The following NFIC variants were observed in gnomAD, a reference collection of about 807,000 sequenced individuals.
NFIC encodes the protein nuclear factor I C.
Under a neutral mutation model 54.4 loss-of-function variants are expected in NFIC, and 12 were observed. The observed-to-expected ratio is 0.22, with a 90% confidence interval of 0.14 to 0.36. NFIC has a LOEUF of 0.36. NFIC is among the 10% of genes least tolerant of loss of function. NFIC has a pLI of 1.00. For missense variants in NFIC, 575 were observed against 718.2 expected, an observed-to-expected ratio of 0.80 and a Z score of 2.28; for synonymous variants, 322 against 319.2, an observed-to-expected ratio of 1.01 and a Z score of -0.09.
chr19:3,433,612 C>G lies in NFIC; in HGVS notation c.709+20C>G. On this transcript the variant is annotated intron_variant, in intron 4 of 10. Transcript: ENST00000443272. ...CCCGGAGTGAGTGTTCCCGTCAGCC[C>G]TGAGCTGGGTCTTGGAGAGGGGAGG... is the stretch of plus-strand genomic sequence containing the variant. The G allele has an allele frequency of 5.6e-6, 9 of 1,612,524 alleles. No homozygotes were observed. Among genetic ancestry groups the G allele is most frequent in the African/African-American group, 1.3e-5 (1 of 75,008 alleles).
chr19:3,456,471 C>A, intron 9 of NFIC, 79 bp from the exon 10 acceptor site: 1 of 1,406,870 alleles, frequency 7.1e-7, no homozygotes, highest in Non-Finnish European at 9.8e-7. Flanking sequence ...CTGGCGGTGG[C>A]CACCCTCTCT....
At chr19:3,413,518 G>A (rs1026573281) in intron 2 of NFIC, among the ~76,000 whole-genome samples, 3 of 152,062 alleles carry the variant, frequency 2.0e-5, no homozygotes, top group Non-Finnish European at 4.4e-5. Context: ...CCCAGCTGGC[G>A]ATTACCGTCC....
At chr19:3,450,389 T>G (rs1006410542) in intron 7 of NFIC, among the ~76,000 whole-genome samples, 1 of 141,476 alleles carries the variant, frequency 7.1e-6, no homozygotes. Flanking sequence ...GGCACAGTGG[T>G]TCACACCTGT....
intron 2 of NFIC, among the ~76,000 whole-genome samples, chr19:3,411,872 G>A (rs928215275): frequency 5.3e-5 from 8 of 152,096 alleles, no homozygotes; most frequent in African/African-American, 7.2e-5. Context: ...CCAGCACCAG[G>A]TGCCACATTG....
chr19:3,401,584 C>T (rs1353417110), intron 2 of NFIC, among the ~76,000 whole-genome samples: 1 of 152,196 alleles, frequency 6.6e-6, no homozygotes, highest in Non-Finnish European at 1.5e-5. Flanking sequence ...CGCCTGGGAG[C>T]TCTCCTGCAA....
intron 3 of NFIC, among the ~76,000 whole-genome samples, chr19:3,427,813 CAAAA>C (rs35768795): frequency 5.2e-5 from 4 of 76,832 alleles, no homozygotes; most frequent in Admixed American, 1.5e-4. Context: ...GAGACTCTGT[CAAAA>C]AAAAAAAAAA....
intron 6 of NFIC, among the ~76,000 whole-genome samples, chr19:3,448,260 A>G (rs570343352): frequency 6.6e-6 from 1 of 152,252 alleles, no homozygotes; most frequent in East Asian, 1.9e-4. Flanking sequence ...TTTAGTGGAG[A>G]CAGGGTTTCA....
rs2082718479 is a variant in NFIC, at chr19:3,466,491, C to T, written c.*3722C>T. The T allele has an allele frequency of 6.6e-6, 1 of 152,226 alleles. No individual in the cohort carries two copies. The highest frequency in any genetic ancestry group is 1.5e-5 in the Non-Finnish European group (1 of 68,092). The allele number at this position is 152,226 out of a possible 1,614,324, so 9.4% of individuals were successfully genotyped here. A position where few individuals can be genotyped will look rare whatever the true frequency, so the allele number is the denominator to read the frequency against. ...GGTGGTCTCCACAGCCACCATCATA[C>T]ACTCATCCCGTGTTTTCTTCCAAAA... is the stretch of plus-strand genomic sequence containing the variant. On this transcript the variant is annotated 3_prime_UTR_variant, in exon 11 of 11. Transcript: ENST00000443272. The surrounding 1 kb of genome is among the most constrained non-coding windows in gnomAD (Gnocchi z 4.8).
At chr19:3,389,111 G>C (rs2081341885) in intron 2 of NFIC, among the ~76,000 whole-genome samples, 1 of 152,144 alleles carries the variant, frequency 6.6e-6, no homozygotes, top group African/African-American at 2.4e-5. Context: ...GAGTCATACA[G>C]ATCATACAGT....
At chr19:3,390,815 C>T (rs534990383) in intron 2 of NFIC, among the ~76,000 whole-genome samples, 8 of 149,126 alleles carry the variant, frequency 5.4e-5, no homozygotes, top group Non-Finnish European at 7.4e-5. Context: ...TCCATAGAGT[C>T]GCCAGATTCA....
At chr19:3,428,877 T>G (rs1412964915) in intron 3 of NFIC, among the ~76,000 whole-genome samples, 1 of 150,828 alleles carries the variant, frequency 6.6e-6, no homozygotes, top group East Asian at 2.0e-4. Flanking sequence ...AGGAAACGGC[T>G]CTGGCCACTT....
intron 1 of NFIC, among the ~76,000 whole-genome samples, chr19:3,378,798 G>C (rs902000212): frequency 6.6e-6 from 1 of 152,164 alleles, no homozygotes; most frequent in Non-Finnish European, 1.5e-5. Context: ...GTGGCTGAGC[G>C]TCTGCTTCTC....
At position 3,380,212 on chromosome 19, in the gene NFIC, G is replaced by A. The variant is rs372951082; in HGVS notation, c.31-1500G>A. On this transcript the variant is annotated intron_variant, in intron 1 of 10. Transcript: ENST00000443272. ...GTAGAGACGGGGTTTCACTGTGTTA[G>A]CCAGGATGGTCTCAATCTCCTGACC... 4.7e-5 allele frequency among the ~76,000 whole-genome samples: 7 copies of A among 147,570 alleles called. No individual in the cohort carries two copies. In the South Asian group the frequency reaches 1.3e-3, roughly 27 times the overall value.
chr19:3,448,343 G>T (rs1357763250), intron 6 of NFIC, among the ~76,000 whole-genome samples: 1 of 152,206 alleles, frequency 6.6e-6, no homozygotes, highest in African/African-American at 2.4e-5. Flanking sequence ...AAAGCACTGG[G>T]ATTACAGGCA....
rs1406577560 is a variant in NFIC, at chr19:3,370,410, T to A, written c.30+3744T>A. 6.6e-6 allele frequency among the ~76,000 whole-genome samples: 1 copy of A among 151,558 alleles called. No individual in the cohort carries two copies. The highest frequency in any genetic ancestry group is 1.5e-5 in the Non-Finnish European group (1 of 67,862). ...CCCCCTCCCCTCTCTGCGGCGGAGG[T>A]GCCTCTGCGCGCCAGGGCCAAGCGC... On this transcript the variant is annotated intron_variant, in intron 1 of 10. Transcript: ENST00000443272. This position sits in a 1 kb window ranked among gnomAD's most constrained non-coding sequence, Gnocchi z 5.2.
intron 6 of NFIC, among the ~76,000 whole-genome samples, chr19:3,447,632 C>A (rs983164631): frequency 2.6e-5 from 4 of 152,266 alleles, no homozygotes; most frequent in Non-Finnish European, 5.9e-5. Flanking sequence ...TGCACAGGCA[C>A]CCCTGGCCCA....
rs1239613717 is a variant in NFIC, at chr19:3,449,078, G to A, written c.1023G>A (p.Gln341=). 3.1e-6 allele frequency: 5 copies of A among 1,613,440 alleles called. No individual in the cohort carries two copies. In the African/African-American group the frequency reaches 5.3e-5, roughly 17 times the overall value. ...CACCATTCAACAGCCCGTCCCCCCAGGACTCTCCCCGCCTCTCCAGCTTCA... is the reference window on the plus strand; with the variant it reads ...CACCATTCAACAGCCCGTCCCCCCAAGACTCTCCCCGCCTCTCCAGCTTCA... ...DKSPFNSPSP[Q]DSPRLSSFTQ... Residue 341 remains glutamine, a synonymous_variant, in exon 7 of 11, where the codon CAG becomes CAA. Transcript: ENST00000443272.
At chr19:3,435,359 C>G (rs545059529) in intron 6 of NFIC, 152 bp downstream of exon 6, 1 of 1,190,834 alleles carries the variant, frequency 8.4e-7, no homozygotes, top group African/African-American at 1.6e-5. Flanking sequence ...TCCCGAGCTG[C>G]GCTTGGCTGG....
chr19:3,361,798 C>T (rs1449476267), upstream of NFIC, among the ~76,000 whole-genome samples: 1 of 152,192 alleles, frequency 6.6e-6, no homozygotes, highest in East Asian at 1.9e-4. Flanking sequence ...CCCTCTGTCC[C>T]CATTTTGGGT....
Sources: allele counts gnomAD v4.1 joint callset (sites outside exome capture counted in the v4.1 genomes callset), GRCh38; gene constraint gnomAD v4.1.1; non-coding constraint Gnocchi (gnomAD v3.1); transcripts MANE v1.5; gene names NCBI Gene and HGNC (gene_info 2026-07-23, HGNC 2026-07-21).